ARHGAP22: variants seen among roughly 807,000 people sequenced by gnomAD.
ARHGAP22 encodes the protein rho GTPase-activating protein 22.
ARHGAP22 carries 48 observed loss-of-function variants against 59.1 expected under a neutral mutation model. That is an observed-to-expected ratio of 0.81 (90% confidence interval 0.64 to 1.03). The LOEUF (loss-of-function observed/expected upper bound fraction) is 1.03. Ranked by LOEUF, ARHGAP22 falls within the 50% of genes least tolerant of loss-of-function variation. The pLI is 0.00. For missense variants in ARHGAP22, 1,015 were observed against 958.7 expected, an observed-to-expected ratio of 1.06 and a Z score of -0.78; for synonymous variants, 445 against 416.4, an observed-to-expected ratio of 1.07 and a Z score of -0.84.
chr10:48,639,845 G>GT (rs2061971088), intron 1 of ARHGAP22, among the ~76,000 whole-genome samples: 2 of 151,684 alleles, frequency 1.3e-5, no homozygotes, highest in South Asian at 2.1e-4. Context: ...TGACTCATAT[G>GT]TAAAAAAAAA....
intron 2 of ARHGAP22, among the ~76,000 whole-genome samples, chr10:48,573,197 C>G (rs10857599): frequency 0.022 from 3,293 of 152,076 alleles, 128 homozygotes; most frequent in African/African-American, 0.076. Flanking sequence ...ATTTGCTAAA[C>G]CTTCATAGGG....
chr10:48,592,349 C>T (rs1283350936), intron 1 of ARHGAP22, among the ~76,000 whole-genome samples: 5 of 152,198 alleles, frequency 3.3e-5, no homozygotes, highest in African/African-American at 1.2e-4. Context: ...GCTTCCCCAA[C>T]ATCCGTCCCA....
At chr10:48,431,768 C>CTTTTTTTTTTT in the ARHGAP22 span, among the ~76,000 whole-genome samples, 2 of 151,926 alleles carry the variant, frequency 1.3e-5, no homozygotes, top group Non-Finnish European at 1.5e-5. Flanking sequence ...GGAGTTAAAA[C>CTTTTTTTTTTT]TTTTTTTTAT....
chr10:48,606,310 G>C (rs1021648176), upstream of ARHGAP22, among the ~76,000 whole-genome samples: 1 of 152,140 alleles, frequency 6.6e-6, no homozygotes, highest in African/African-American at 2.4e-5. Flanking sequence ...CTAGGGAACA[G>C]TGTGCCCTAT....
In ARHGAP22 at chr10:48,562,596, A is replaced by G. The variant is rs142968562; in HGVS notation, c.235-7046T>C. Among the ~76,000 whole-genome samples the G allele has an allele frequency of 3.2e-3, 494 of 152,270 alleles. 4 individuals are homozygous for G. Among genetic ancestry groups the G allele is most frequent in the African/African-American group, 0.011 (460 of 41,556 alleles). On this transcript the variant is annotated intron_variant, in intron 2 of 9. Transcript: ENST00000249601. ...TATAAAAGTGTAGAAAATGAGAACT[A>G]AGCGGATCAGCCTGGGGTCAGGGGT...
the ARHGAP22 span, chr10:48,436,334 C>T: frequency 1.3e-5 from 2 of 152,114 alleles, no homozygotes; most frequent in East Asian, 3.8e-4. Flanking sequence ...TGGTGCTGCT[C>T]CTGACAAGTG....
chr10:48,453,555 G>C, intron 7 of ARHGAP22, 130 bp from the exon 8 acceptor site: 1 of 1,351,540 alleles, frequency 7.4e-7, no homozygotes, highest in African/African-American at 1.5e-5. Context: ...ACTGGGTGTA[G>C]CCTGCCTCTG....
At chr10:48,481,736 C>CCAG (rs1394508515) in intron 3 of ARHGAP22, among the ~76,000 whole-genome samples, 6 of 152,184 alleles carry the variant, frequency 3.9e-5, no homozygotes, top group African/African-American at 1.4e-4. Flanking sequence ...TACTTTCCCG[C>CCAG]CAGCTGTGTA....
chr10:48,597,538 G>C (rs1025674410), intron 1 of ARHGAP22, among the ~76,000 whole-genome samples: 5 of 152,130 alleles, frequency 3.3e-5, no homozygotes, highest in African/African-American at 4.8e-5. Flanking sequence ...TACGGATCCT[G>C]CTGCTTCCTA....
intron 4 of ARHGAP22, among the ~76,000 whole-genome samples, chr10:48,473,860 C>A (rs771299147): frequency 5.3e-5 from 8 of 152,218 alleles, no homozygotes; most frequent in Non-Finnish European, 1.2e-4. Context: ...TGCAGACAAC[C>A]AGGCAAGGGA....
exon 1 of ARHGAP22, chr10:48,652,537 GTCTTGGGGT>G: frequency 3.7e-6 from 2 of 540,484 alleles, no homozygotes; most frequent in Non-Finnish European, 6.6e-6. Flanking sequence ...AAGTCACGGG[GTCTTGGGGT>G]ATCAGTTCCT....
chr10:48,640,533 T>C (rs1317390679), intron 1 of ARHGAP22, among the ~76,000 whole-genome samples: 1 of 152,200 alleles, frequency 6.6e-6, no homozygotes, highest in African/African-American at 2.4e-5. Flanking sequence ...AGTTGCCTTG[T>C]CATCTGAAAC....
chr10:48,481,656 T>A (rs2049335929), intron 3 of ARHGAP22, among the ~76,000 whole-genome samples: 2 of 152,182 alleles, frequency 1.3e-5, no homozygotes, highest in South Asian at 4.1e-4. Context: ...AGTATTTATA[T>A]ATATTTTTAT....
chr10:48,482,047 T>G (rs2049376005), intron 3 of ARHGAP22, among the ~76,000 whole-genome samples: 1 of 152,214 alleles, frequency 6.6e-6, no homozygotes, highest in African/African-American at 2.4e-5. Context: ...TTTCTCCCAG[T>G]CCATGTCTCT....
At chr10:48,628,751 C>A (rs2061533215) in intron 1 of ARHGAP22, among the ~76,000 whole-genome samples, 1 of 152,154 alleles carries the variant, frequency 6.6e-6, no homozygotes, top group Non-Finnish European at 1.5e-5. Context: ...GACCTAAACA[C>A]CTTCCCATTC....
At chr10:48,544,730 A>C (rs1195174397) in intron 3 of ARHGAP22, among the ~76,000 whole-genome samples, 2 of 152,242 alleles carry the variant, frequency 1.3e-5, no homozygotes, top group African/African-American at 4.8e-5. Flanking sequence ...TATATTACAT[A>C]ATTTCAAATA....
chr10:48,632,236 T>C (rs2061653628), intron 1 of ARHGAP22, among the ~76,000 whole-genome samples: 1 of 152,232 alleles, frequency 6.6e-6, no homozygotes, highest in Non-Finnish European at 1.5e-5. Flanking sequence ...TTTCCATTCC[T>C]GAGTTACTTC....
At chr10:48,463,516 C>T (rs1355910635) in intron 4 of ARHGAP22, among the ~76,000 whole-genome samples, 3 of 152,176 alleles carry the variant, frequency 2.0e-5, no homozygotes, top group Non-Finnish European at 4.4e-5. Flanking sequence ...TCCTGCCTCC[C>T]TCCCCTTTCC....
intron 3 of ARHGAP22, among the ~76,000 whole-genome samples, chr10:48,485,909 T>C (rs962319281): frequency 3.9e-5 from 6 of 152,216 alleles, no homozygotes. Flanking sequence ...ATCAGGCATA[T>C]AGTTGGGTCC....
Sources: gnomAD v4.1 joint callset for allele counts (sites outside exome capture counted in the v4.1 genomes callset) on GRCh38, gnomAD v4.1.1 for gene constraint, MANE v1.5 for transcripts, NCBI Gene and HGNC (gene_info 2026-07-23, HGNC 2026-07-21) for gene names.